The following ANXA2 variants were observed in gnomAD, a reference collection of about 807,000 sequenced individuals.
ANXA2 encodes the protein annexin A2.
In ANXA2, 28 loss-of-function variants were observed where a neutral mutation model predicts 47.3. The ratio of observed to expected loss-of-function variants is 0.59; its 90% CI spans 0.44 to 0.81. The LOEUF is 0.81. ANXA2 is among the 40% of genes least tolerant of loss of function. ANXA2 has a pLI of 0.00. For missense variants in ANXA2, 384 were observed against 414.3 expected, an observed-to-expected ratio of 0.93 and a Z score of 0.64; for synonymous variants, 172 against 155.5, an observed-to-expected ratio of 1.11 and a Z score of -0.79.
In ANXA2 at chr15:60,351,185, G is replaced by T. The variant is rs1250486517; in HGVS notation, c.837+8C>A. On this transcript the variant is annotated splice_region_variant and intron_variant, in intron 11 of 12. Coordinates refer to ENST00000451270, the MANE Select transcript of ANXA2 (RefSeq NM_004039.3). Reference sequence around the variant, plus strand: ...GGAAACACAGCTCTCTCAGCCAGCTGCCCTTACCTTCATGGAGTCATACAG... The same window carrying T: ...GGAAACACAGCTCTCTCAGCCAGCTTCCCTTACCTTCATGGAGTCATACAG... 1 of 1,613,848 alleles carries T rather than the reference G, an allele frequency of 6.2e-7. No homozygotes were observed. The highest frequency in any genetic ancestry group is 8.5e-7 in the Non-Finnish European group (1 of 1,179,846).
At chr15:60,371,449 C>T (rs553980901) in intron 3 of ANXA2, among the ~76,000 whole-genome samples, 20 of 152,342 alleles carry the variant, frequency 1.3e-4, no homozygotes, top group African/African-American at 4.8e-4. Flanking sequence ...TCCTCCTCCT[C>T]TCTGCGGGTG....
chr15:60,366,769 C>G (rs1167610255), intron 3 of ANXA2, among the ~76,000 whole-genome samples: 135 of 113,688 alleles, frequency 1.2e-3, no homozygotes, highest in Non-Finnish European at 1.8e-3. Context: ...AGGAGCCCCT[C>G]TGCCCGGCCA....
intron 6 of ANXA2, among the ~76,000 whole-genome samples, chr15:60,356,517 A>T (rs2062432867): frequency 6.6e-6 from 1 of 152,026 alleles, no homozygotes; most frequent in African/African-American, 2.4e-5. Flanking sequence ...TCCTGATACA[A>T]AAAAAAAGAT....
At chr15:60,351,587 C>A (rs535477426) in intron 10 of ANXA2, 137 bp downstream of exon 10, 4 of 681,538 alleles carry the variant, frequency 5.9e-6, no homozygotes, top group African/African-American at 5.4e-5. Flanking sequence ...GAAATCTATA[C>A]AATTAAGACT....
At chr15:60,359,441 T>C (rs1364729952) in intron 5 of ANXA2, among the ~76,000 whole-genome samples, 3 of 152,218 alleles carry the variant, frequency 2.0e-5, no homozygotes, top group Non-Finnish European at 4.4e-5. Context: ...AGCGCTATTT[T>C]TATCAACCAG....
intron 5 of ANXA2, among the ~76,000 whole-genome samples, chr15:60,357,867 T>A (rs1352090060): frequency 6.6e-6 from 1 of 152,132 alleles, no homozygotes. Flanking sequence ...GGCAATTGCC[T>A]TTTGCTGTGG....
chr15:60,353,360 A>G (rs1415655635), intron 8 of ANXA2, among the ~76,000 whole-genome samples: 1 of 152,032 alleles, frequency 6.6e-6, no homozygotes, highest in African/African-American at 2.4e-5. Flanking sequence ...ACCACAACAG[A>G]GCAGTACACC....
chr15:60,353,197 T>C (rs748443734), intron 8 of ANXA2, among the ~76,000 whole-genome samples: 1 of 152,226 alleles, frequency 6.6e-6, no homozygotes, highest in Non-Finnish European at 1.5e-5. Context: ...TGACTTACTT[T>C]GAGATAATCG....
At chr15:60,370,745 C>G (rs1003267639) in intron 3 of ANXA2, among the ~76,000 whole-genome samples, 3 of 152,154 alleles carry the variant, frequency 2.0e-5, no homozygotes, top group African/African-American at 7.2e-5. Flanking sequence ...GGCTCTGCCT[C>G]CCTTGATTTA....
chr15:60,355,060 C>T (rs1339628105), intron 7 of ANXA2, among the ~76,000 whole-genome samples: 1 of 152,256 alleles, frequency 6.6e-6, no homozygotes, highest in East Asian at 1.9e-4. Flanking sequence ...GATGGCACAG[C>T]ACGCTCTCAG....
intron 3 of ANXA2, chr15:60,374,333 G>A (rs1235377867): frequency 1.8e-5 from 7 of 385,584 alleles, no homozygotes; most frequent in Non-Finnish European, 3.6e-5. Context: ...GTCAGTGAAG[G>A]AACATGCATA....
chr15:60,347,795 A>G, intron 12 of ANXA2, 106 bp from the exon 13 acceptor site: 1 of 1,000,910 alleles, frequency 1.0e-6, no homozygotes, highest in Non-Finnish European at 1.5e-6. Flanking sequence ...TCCCATGACA[A>G]AGAGAAGACT....
intron 3 of ANXA2, among the ~76,000 whole-genome samples, chr15:60,381,613 T>G (rs2062860648): frequency 6.6e-6 from 1 of 152,182 alleles, no homozygotes; most frequent in Non-Finnish European, 1.5e-5. Context: ...TGGTCTTCTC[T>G]TACTCATCCT....
chr15:60,365,440 AAC>A, intron 3 of ANXA2, among the ~76,000 whole-genome samples: 1 of 152,342 alleles, frequency 6.6e-6, no homozygotes, highest in African/African-American at 2.4e-5. Context: ...TAATGAAAGA[AAC>A]AGTCTTTGCC....
intron 3 of ANXA2, among the ~76,000 whole-genome samples, chr15:60,378,378 A>G (rs1165560106): frequency 1.3e-5 from 2 of 152,184 alleles, no homozygotes; most frequent in Non-Finnish European, 2.9e-5. Context: ...TTCTGCAGAC[A>G]TTCTATGTAA....
intron 3 of ANXA2, among the ~76,000 whole-genome samples, chr15:60,369,610 C>T (rs80335079): frequency 2.5e-4 from 38 of 152,332 alleles, no homozygotes; most frequent in African/African-American, 8.4e-4. Flanking sequence ...ATTAAAATCA[C>T]GTGAAGCACT....
chr15:60,366,021 G>GT (rs1286040976), intron 3 of ANXA2, among the ~76,000 whole-genome samples: 1,706 of 133,896 alleles, frequency 0.013, 14 homozygotes, highest in Non-Finnish European at 0.019. Flanking sequence ...ACTGGTTTTC[G>GT]TTTTTTTTTG....
At chr15:60,391,497 A>G (rs2063009800) in intron 1 of ANXA2, among the ~76,000 whole-genome samples, 1 of 152,130 alleles carries the variant, frequency 6.6e-6, no homozygotes, top group South Asian at 2.1e-4. Flanking sequence ...CCCTGTGGGG[A>G]ACCTAAAATA....
rs747564039 is a variant in ANXA2 at position 60,397,961 on chromosome 15, G to A, written c.-30C>T. Reference sequence around the variant, plus strand: ...CGCTTACCTGGGCCGTGCGCCGAGAGCTGAGAGCGTCCCCAAATGCTGAGC... The same window carrying A: ...CGCTTACCTGGGCCGTGCGCCGAGAACTGAGAGCGTCCCCAAATGCTGAGC... On this transcript the variant is annotated 5_prime_UTR_variant, in exon 1 of 13. Transcript: ENST00000451270. The A allele has an allele frequency of 4.9e-5, 62 of 1,268,974 alleles. No individual in the cohort carries two copies. The highest frequency in any genetic ancestry group is 6.0e-5 in the Non-Finnish European group (60 of 1,004,490). The allele number at this position is 1,268,974 out of a possible 1,614,324, so 78.6% of individuals were successfully genotyped here. A position where few individuals can be genotyped will look rare whatever the true frequency, so the allele number is the denominator to read the frequency against.
Sources: gnomAD v4.1 joint callset for allele counts (sites outside exome capture counted in the v4.1 genomes callset) on GRCh38, gnomAD v4.1.1 for gene constraint, MANE v1.5 for transcripts, NCBI Gene and HGNC (gene_info 2026-07-23, HGNC 2026-07-21) for gene names.